ZNF385D: variants seen among roughly 807,000 people sequenced by gnomAD.
ZNF385D encodes the protein zinc finger protein 659.
In ZNF385D, 15 loss-of-function variants were observed where a neutral mutation model predicts 35.8. That is an observed-to-expected ratio of 0.42 (90% CI 0.28 to 0.64). ZNF385D has a LOEUF of 0.64. Ranked by LOEUF, ZNF385D falls within the 30% of genes least tolerant of loss-of-function variation. The probability of loss-of-function intolerance (pLI) is 0.23; values close to 1 mark genes in which losing one functional copy is unlikely to be tolerated. For missense variants in ZNF385D, 474 were observed against 494.6 expected (o/e 0.96, Z 0.39); for synonymous variants, 212 against 186.8 (o/e 1.13, Z -1.10).
chr3:21,802,807 G>C (rs938920024), intron 3 of ZNF385D, among the ~76,000 whole-genome samples: 1 of 152,098 alleles, frequency 6.6e-6, no homozygotes, highest in Non-Finnish European at 1.5e-5. Context: ...GTCTAACTGG[G>C]CAGGTTAATA....
In ZNF385D at chr3:22,048,547, T is replaced by C. The variant is rs554936196; in HGVS notation, c.325+120270A>G. On this transcript the variant is annotated intron_variant, in intron 3 of 5. Transcript: ENST00000494108. ...TCTGGACATCTTTGTTGAAAATCAATTGACAACAAATACATGAATTTATTT... is the reference window on the plus strand; with the variant it reads ...TCTGGACATCTTTGTTGAAAATCAACTGACAACAAATACATGAATTTATTT... 1.5e-3 allele frequency among the ~76,000 whole-genome samples: 229 copies of C among 152,296 alleles called. 1 individual carries two copies. The highest frequency in any genetic ancestry group is 4.8e-3 in the African/African-American group (201 of 41,566).
intron 3 of ZNF385D, among the ~76,000 whole-genome samples, chr3:22,113,600 T>A (rs1195727557): frequency 6.6e-6 from 1 of 152,102 alleles, no homozygotes; most frequent in African/African-American, 2.4e-5. Context: ...TAGTGCTGAC[T>A]GAGACAATGA....
chr3:21,630,274 C>A (rs1181271815), intron 2 of ZNF385D, among the ~76,000 whole-genome samples: 8 of 149,974 alleles, frequency 5.3e-5, no homozygotes, highest in Non-Finnish European at 7.4e-5. Context: ...GTATTCTTGG[C>A]AGCTCACCAC....
chr3:21,822,851 T>C (rs927571796), intron 3 of ZNF385D, among the ~76,000 whole-genome samples: 3 of 151,932 alleles, frequency 2.0e-5, no homozygotes, highest in African/African-American at 7.3e-5. Flanking sequence ...AATCTTACTG[T>C]TATATAAAGA....
chr3:22,347,643 G>C (rs1460168622), intron 2 of ZNF385D, among the ~76,000 whole-genome samples: 2 of 152,136 alleles, frequency 1.3e-5, no homozygotes, highest in South Asian at 2.1e-4. Flanking sequence ...GAAAGGTTAA[G>C]ATAAACTGTT....
intron 3 of ZNF385D, among the ~76,000 whole-genome samples, chr3:21,986,778 TC>T (rs1224134756): frequency 3.6e-5 from 4 of 110,312 alleles, no homozygotes; most frequent in Non-Finnish European, 6.8e-5. Flanking sequence ...TGTTAAAGTC[TC>T]CCATTATTAA....
At chr3:21,970,635 T>A (rs1012864971) in intron 3 of ZNF385D, among the ~76,000 whole-genome samples, 1 of 151,656 alleles carries the variant, frequency 6.6e-6, no homozygotes. Context: ...GAAATTGAGG[T>A]AGAAAGATTA....
Position 22,138,957 on chromosome 3 carries a change from C to A in ZNF385D, c.325+29860G>T, listed in dbSNP as rs953594741. ...AATATCCAGAATCTACAATGAACTC[C>A]AACAAATTTACAAGAAAAAAACAAA... is the stretch of plus-strand genomic sequence containing the variant. On this transcript the variant is annotated intron_variant, in intron 3 of 5. Coordinates refer to the ZNF385D transcript ENST00000494108. Among the ~76,000 whole-genome samples, 736 of 152,016 alleles carry A rather than the reference C, an allele frequency of 4.8e-3. 5 individuals carry two copies. Among genetic ancestry groups the A allele is most frequent in the African/African-American group, 0.016 (658 of 41,466 alleles).
chr3:21,608,509 T>C (rs202124989), intron 2 of ZNF385D, among the ~76,000 whole-genome samples: 1 of 152,310 alleles, frequency 6.6e-6, no homozygotes, highest in Non-Finnish European at 1.5e-5. Flanking sequence ...AAACAAGTTA[T>C]TTTTACCTAT....
At chr3:21,716,520 C>A (rs1042537219) in intron 1 of ZNF385D, among the ~76,000 whole-genome samples, 7 of 152,112 alleles carry the variant, frequency 4.6e-5, no homozygotes, top group African/African-American at 1.7e-4. Flanking sequence ...CTCAGGACTT[C>A]CACAATGACT....
At position 21,911,682 on chromosome 3, in the gene ZNF385D, T is replaced by G. The variant is rs546889066; in HGVS notation, c.326-246654A>C. Among the ~76,000 whole-genome samples, 6 of 152,060 alleles carry G rather than the reference T, an allele frequency of 3.9e-5. No individual in the cohort carries two copies. The East Asian group carries it at 5.8e-4, about 15-fold the overall frequency. Reference sequence around the variant, plus strand: ...AAGGCATACATTTTTTTATTAACATTAAAAGCCATTAAATAATTTCCTCAT... The same window carrying G: ...AAGGCATACATTTTTTTATTAACATGAAAAGCCATTAAATAATTTCCTCAT... On this transcript the variant is annotated intron_variant, in intron 3 of 5. Coordinates refer to the ZNF385D transcript ENST00000494108.
chr3:21,889,219 G>A (rs773098929), intron 3 of ZNF385D, among the ~76,000 whole-genome samples: 10 of 152,140 alleles, frequency 6.6e-5, no homozygotes, highest in Non-Finnish European at 1.3e-4. Context: ...CATATTAAAG[G>A]TCTTTGTTTC....
At chr3:21,501,253 C>T (rs930310439) in intron 4 of ZNF385D, among the ~76,000 whole-genome samples, 4 of 152,148 alleles carry the variant, frequency 2.6e-5, no homozygotes, top group Non-Finnish European at 5.9e-5. Flanking sequence ...TGCCGTCTTC[C>T]TTCTTTCTTG....
Position 21,564,721 on chromosome 3 carries a change from A to C in ZNF385D, c.166-37T>G, listed in dbSNP as rs145696201. 2.2e-6 allele frequency: 3 copies of C among 1,346,054 alleles called. No homozygotes were observed. In the African/African-American group the frequency reaches 4.5e-5, roughly 20 times the overall value. The allele number at this position is 1,346,054 out of a possible 1,614,324, so 83.4% of individuals were successfully genotyped here. A position where few individuals can be genotyped will look rare whatever the true frequency, so the allele number is the denominator to read the frequency against. ...AAAAAGAAATACAACAAATAGAAAT[A>C]AAGCTTGTCAGTTCCATTGGAATTT... On this transcript the variant is annotated intron_variant, in intron 2 of 7. Transcript: ENST00000281523.
chr3:21,693,647 G>A (rs58472877), intron 1 of ZNF385D, among the ~76,000 whole-genome samples: 3,379 of 152,086 alleles, frequency 0.022, 131 homozygotes, highest in African/African-American at 0.077. Flanking sequence ...AAAAGTATAT[G>A]TCCTTTGTAA....
At chr3:21,511,077 T>C in intron 3 of ZNF385D, 54 bp from the exon 4 acceptor site, 1 of 1,605,420 alleles carries the variant, frequency 6.2e-7, no homozygotes, top group African/African-American at 1.3e-5. Context: ...TAAACTGGCA[T>C]TCTCTGTATT....
chr3:22,369,153 T>C (rs1257505525), intron 2 of ZNF385D, among the ~76,000 whole-genome samples: 1 of 152,218 alleles, frequency 6.6e-6, no homozygotes, highest in Non-Finnish European at 1.5e-5. Context: ...TACAGATCCT[T>C]TTCCAATATT....
chr3:22,240,674 C>A (rs1257468987), intron 2 of ZNF385D, among the ~76,000 whole-genome samples: 1 of 150,958 alleles, frequency 6.6e-6, no homozygotes, highest in Admixed American at 6.6e-5. Context: ...CCTCTTGATC[C>A]TCTTGCTTCC....
chr3:21,945,086 CTA>C (rs1308365234), intron 3 of ZNF385D, among the ~76,000 whole-genome samples: 8 of 151,318 alleles, frequency 5.3e-5, no homozygotes, highest in African/African-American at 1.7e-4. Flanking sequence ...TATTCACTGA[CTA>C]TATTTGAATG....
Sources: allele counts gnomAD v4.1 joint callset (sites outside exome capture counted in the v4.1 genomes callset), GRCh38; gene constraint gnomAD v4.1.1; transcripts MANE v1.5; gene names NCBI Gene and HGNC (gene_info 2026-07-23, HGNC 2026-07-21).